The following CPNE6 variants were observed in gnomAD, a reference collection of about 807,000 sequenced individuals.
CPNE6 encodes copine-6.
CPNE6 carries 33 observed loss-of-function variants against 71.5 expected under a neutral mutation model. The ratio of observed to expected loss-of-function variants is 0.46; its 90% CI spans 0.35 to 0.62. The LOEUF (loss-of-function observed/expected upper bound fraction) is 0.62. CPNE6 is among the 20% of genes least tolerant of loss of function. CPNE6 has a pLI of 0.00. For missense variants in CPNE6, 576 were observed against 747.3 expected (o/e 0.77, Z 2.67); for synonymous variants, 296 against 293.0 (o/e 1.01, Z -0.10).
chr14:24,072,873 A>T, intron 2 of CPNE6, 60 bp from the exon 2 acceptor site: 1 of 1,405,032 alleles, frequency 7.1e-7, no homozygotes, highest in East Asian at 2.8e-5. Flanking sequence ...TAGAGGATAG[A>T]CCCCTCTGCT....
rs202054800 is a variant in CPNE6 at position 24,076,488 on chromosome 14, C to T, written c.1114-18C>T. 2 of 1,614,158 alleles carry T rather than the reference C, an allele frequency of 1.2e-6. No individual in the cohort carries two copies. The highest frequency in any genetic ancestry group is 1.3e-5 in the African/African-American group (1 of 75,034). On this transcript the variant is annotated intron_variant, in intron 13 of 17. Coordinates refer to ENST00000397016, the Ensembl canonical transcript of CPNE6. Reference sequence around the variant, plus strand: ...GCAGAAAAGGCAGGCCCTCACTGCTCCCGCCTTGCCCTCACAGGTGTCCCA... The same window carrying T: ...GCAGAAAAGGCAGGCCCTCACTGCTTCCGCCTTGCCCTCACAGGTGTCCCA...
At chr14:24,071,250 G>T in intron 1 of CPNE6, 1 of 1,119,358 alleles carries the variant, frequency 8.9e-7, no homozygotes, top group Non-Finnish European at 1.2e-6. Flanking sequence ...AGTCGTGGGT[G>T]CATGTGTCGC....
Position 24,073,465 on chromosome 14 carries a change from G to A in CPNE6, c.169-34G>A. The stretch of plus-strand genomic sequence containing the variant: ...CAGGGAAAAGTATCCTCGGTTCCCA[G>A]ACAGCCCTCGCCTCCCTTCAACCAC... On this transcript the variant is annotated intron_variant, in intron 3 of 17. Coordinates refer to ENST00000397016, the Ensembl canonical transcript of CPNE6. This position sits in a 1 kb window ranked among gnomAD's most constrained non-coding sequence, Gnocchi z 5.5. 6.2e-7 allele frequency: 1 copy of A among 1,601,138 alleles called. No homozygotes were observed. The highest frequency in any genetic ancestry group is 8.5e-7 in the Non-Finnish European group (1 of 1,173,078).
At position 24,074,659 on chromosome 14, in the gene CPNE6, A is replaced by G; in HGVS notation, c.582+45A>G. On this transcript the variant is annotated intron_variant, in intron 7 of 17. Coordinates refer to ENST00000397016, the Ensembl canonical transcript of CPNE6. The surrounding 1 kb of genome is among the most constrained non-coding windows in gnomAD (Gnocchi z 4.5). ...GGGATGAAGGGAGGGAGAGTAAAGT[A>G]AGAAGACACAGACAGGAGCTGACCA... 6.2e-7 allele frequency: 1 copy of G among 1,613,708 alleles called. No individual in the cohort carries two copies. The highest frequency in any genetic ancestry group is 8.5e-7 in the Non-Finnish European group (1 of 1,179,610).
At position 24,071,561 on chromosome 14, in the gene CPNE6, C is replaced by G. The variant is rs757928633; in HGVS notation, c.-85C>G. 3.5e-6 allele frequency: 5 copies of G among 1,421,860 alleles called. No individual in the cohort carries two copies. Among genetic ancestry groups the G allele is most frequent in the African/African-American group, 1.5e-5 (1 of 68,480 alleles). 88.1% of individuals were successfully genotyped at this position (1,421,860 alleles called of 1,614,324 possible). The stretch of plus-strand genomic sequence containing the variant: ...ATAGCAGCAGAGCCGGAGCTGGAGC[C>G]GGCGCCAGCGGCTGGAGCAGCAAGG... On this transcript the variant is annotated 5_prime_UTR_variant, in exon 2 of 18. Transcript: ENST00000397016.
At position 24,077,444 on chromosome 14, in the gene CPNE6, C is replaced by G. The variant is rs916059112; in HGVS notation, c.1536+54C>G. ...AGGACTCCTCAGCTTCTCATCCCCC[C>G]AAATCTGACCTTCGTCTTCCACCAT... On this transcript the variant is annotated intron_variant, in intron 16 of 17. Coordinates refer to ENST00000397016, the Ensembl canonical transcript of CPNE6. This position sits in a 1 kb window ranked among gnomAD's most constrained non-coding sequence, Gnocchi z 6.1. 4.4e-6 allele frequency: 7 copies of G among 1,583,228 alleles called. No homozygotes were observed. Among genetic ancestry groups the G allele is most frequent in the Non-Finnish European group, 6.1e-6 (7 of 1,152,154 alleles).
chr14:24,074,879 C>G lies in CPNE6; in HGVS notation c.672+84C>G. On this transcript the variant is annotated intron_variant, in intron 8 of 17. Transcript: ENST00000397016. This position sits in a 1 kb window ranked among gnomAD's most constrained non-coding sequence, Gnocchi z 4.5. ...CCTTTCCCCTGCATGTGGCAAGCCTCCCTCCTCTCCCCCAAGTGATAATCA... is the reference window on the plus strand; with the variant it reads ...CCTTTCCCCTGCATGTGGCAAGCCTGCCTCCTCTCCCCCAAGTGATAATCA... 1 of 1,072,676 alleles carries G rather than the reference C, an allele frequency of 9.3e-7. No homozygotes were observed. Among genetic ancestry groups the G allele is most frequent in the Non-Finnish European group, 1.4e-6 (1 of 713,690 alleles). 66.4% of individuals were successfully genotyped at this position (1,072,676 alleles called of 1,614,324 possible). A position where few individuals can be genotyped will look rare whatever the true frequency, so the allele number is the denominator to read the frequency against.
At chr14:24,071,230 T>A in intron 1 of CPNE6, 1 of 1,031,538 alleles carries the variant, frequency 9.7e-7, no homozygotes, top group East Asian at 2.6e-5. Context: ...AAGATATGTG[T>A]GAGCCTGTGA....
In CPNE6 at chr14:24,077,608, C is replaced by A; in HGVS notation, c.1552C>A (p.Leu518Ile). The change falls in exon 17 of 18, where the codon CTC becomes ATC. Residue 518 changes from leucine (L) to isoleucine (I), a missense_variant. This residue lies in a region of CPNE6 where 264 missense variants were observed against 339.9 expected (regional missense o/e 0.78). Transcript: ENST00000397016. The surrounding 1 kb of genome is among the most constrained non-coding windows in gnomAD (Gnocchi z 6.1). ...CCCACCCTAGGCTGCCCCCTCTGCA[C>A]TCGCCAAGTGTGTCCTGGCTGAGGT... 6.3e-7 allele frequency: 1 copy of A among 1,586,138 alleles called. No individual in the cohort carries two copies. Among genetic ancestry groups the A allele is most frequent in the Non-Finnish European group, 8.6e-7 (1 of 1,164,992 alleles).
In CPNE6 at chr14:24,073,713, TA is replaced by T. The variant is rs2035973543; in HGVS notation, c.348+36del. On this transcript the variant is annotated intron_variant, in intron 4 of 17. Coordinates refer to ENST00000397016, the Ensembl canonical transcript of CPNE6. This position sits in a 1 kb window ranked among gnomAD's most constrained non-coding sequence, Gnocchi z 5.5. ...CCCGGCCTCCCCGGCTACCCTACCC[TA>T]CCTCCATCAGCTTTGCCTCTGGAAG... 1 of 1,588,272 alleles carries T rather than the reference TA, an allele frequency of 6.3e-7. No individual in the cohort carries two copies. Among genetic ancestry groups the T allele is most frequent in the Non-Finnish European group, 8.6e-7 (1 of 1,166,604 alleles).
Position 24,075,464 on chromosome 14 carries a change from C to G in CPNE6, c.778-41C>G, listed in dbSNP as rs1369843519. ...GCTGGAAGGGAGAAAGAGGGGTCAC[C>G]TGATGGACTTGTGACCCTGAGCTTG... On this transcript the variant is annotated intron_variant, in intron 9 of 17. Coordinates refer to ENST00000397016, the Ensembl canonical transcript of CPNE6. The surrounding 1 kb of genome is among the most constrained non-coding windows in gnomAD (Gnocchi z 4.3). The G allele has an allele frequency of 6.4e-7, 1 of 1,564,670 alleles. No individual in the cohort carries two copies. Among genetic ancestry groups the G allele is most frequent in the Non-Finnish European group, 8.8e-7 (1 of 1,141,268 alleles).
At position 24,076,294 on chromosome 14, in the gene CPNE6, T is replaced by A; in HGVS notation, c.1058+12T>A. On this transcript the variant is annotated intron_variant, in intron 12 of 17. Coordinates refer to ENST00000397016, the Ensembl canonical transcript of CPNE6. ...CAGGACTATGACAGGTAGGAGAGAG[T>A]GGGGCGGGAGGGAACAGGCAGGGAG... 1 of 1,613,888 alleles carries A rather than the reference T, an allele frequency of 6.2e-7. No individual in the cohort carries two copies. Among genetic ancestry groups the A allele is most frequent in the Non-Finnish European group, 8.5e-7 (1 of 1,179,942 alleles).
chr14:24,071,575 G>A, exon 2 of CPNE6: 1 of 1,469,430 alleles, frequency 6.8e-7, no homozygotes. Context: ...GCCAGCGGCT[G>A]GAGCAGCAAG....
At chr14:24,071,755 A>C in intron 2 of CPNE6, 114 bp downstream of exon 1, 1 of 544,932 alleles carries the variant, frequency 1.8e-6, no homozygotes, top group Non-Finnish European at 3.3e-6. Context: ...CAATCCCTTC[A>C]CCACCACAAG....
In CPNE6 at chr14:24,077,066, C is replaced by T. The variant is rs1334608860; in HGVS notation, c.1299+54C>T. On this transcript the variant is annotated intron_variant, in intron 15 of 17. Coordinates refer to ENST00000397016, the Ensembl canonical transcript of CPNE6. The surrounding 1 kb of genome is among the most constrained non-coding windows in gnomAD (Gnocchi z 6.1). Reference sequence around the variant, plus strand: ...CTGTCCCATGTGTCTTTAAGTGGTGCCAGGGCCAGGGTCTGCACCTTGGTG... The same window carrying T: ...CTGTCCCATGTGTCTTTAAGTGGTGTCAGGGCCAGGGTCTGCACCTTGGTG... 7.5e-6 allele frequency: 12 copies of T among 1,600,926 alleles called. No homozygotes were observed. The East Asian group carries it at 2.0e-4, about 27-fold the overall frequency.
In CPNE6 at chr14:24,075,157, C is replaced by T; in HGVS notation, c.673-15C>T. The stretch of plus-strand genomic sequence containing the variant: ...CATCTCCAACCTGACCCCACCCCTC[C>T]CCCTGCCTTCTCAGTTCCTGGTGTA... On this transcript the variant is annotated splice_polypyrimidine_tract_variant and intron_variant, in intron 8 of 17. Transcript: ENST00000397016. This position sits in a 1 kb window ranked among gnomAD's most constrained non-coding sequence, Gnocchi z 4.3. 6.2e-7 allele frequency: 1 copy of T among 1,602,746 alleles called. No individual in the cohort carries two copies. The highest frequency in any genetic ancestry group is 8.5e-7 in the Non-Finnish European group (1 of 1,169,592).
intron 14 of CPNE6, 139 bp downstream of exon 13, chr14:24,076,696 G>A: frequency 6.9e-7 from 1 of 1,449,070 alleles, no homozygotes; most frequent in Non-Finnish European, 9.5e-7. Context: ...GGCTTCCAGG[G>A]CCGAGGCCCA....
chr14:24,077,949 C>A lies in CPNE6; in HGVS notation c.*99C>A. ...GCCTCCACCTCTTGGACCAGGTGTG[C>A]CCCCTGGGTTCTGGACGTGAGTGGT... On this transcript the variant is annotated 3_prime_UTR_variant, in exon 18 of 18. Coordinates refer to ENST00000397016, the Ensembl canonical transcript of CPNE6. This position sits in a 1 kb window ranked among gnomAD's most constrained non-coding sequence, Gnocchi z 6.1. 2.1e-6 allele frequency: 1 copy of A among 470,652 alleles called. No individual in the cohort carries two copies. The highest frequency in any genetic ancestry group is 3.7e-6 in the Non-Finnish European group (1 of 273,250). 29.2% of individuals were successfully genotyped at this position (470,652 alleles called of 1,614,324 possible).
Position 24,073,457 on chromosome 14 carries a change from G to A in CPNE6, c.169-42G>A, listed in dbSNP as rs770892510. 1.3e-5 allele frequency: 21 copies of A among 1,591,974 alleles called. No homozygotes were observed. The highest frequency in any genetic ancestry group is 9.1e-5 in the South Asian group (8 of 87,990). ...GTCCAGGACAGGGAAAAGTATCCTC[G>A]GTTCCCAGACAGCCCTCGCCTCCCT... is the stretch of plus-strand genomic sequence containing the variant. On this transcript the variant is annotated intron_variant, in intron 3 of 17. Transcript: ENST00000397016. The surrounding 1 kb of genome is among the most constrained non-coding windows in gnomAD (Gnocchi z 5.5).
Sources: allele counts gnomAD v4.1 joint callset, GRCh38; gene constraint gnomAD v4.1.1; regional missense constraint gnomAD v4.1.1; non-coding constraint Gnocchi (gnomAD v3.1); transcripts MANE v1.5; gene names NCBI Gene and HGNC (gene_info 2026-07-23, HGNC 2026-07-21).